Variants in PACRG observed in about 807,000 individuals in gnomAD.
PACRG encodes the protein parkin coregulated, also known as parkin coregulated gene protein.
Under a neutral mutation model 29.7 loss-of-function variants are expected in PACRG, and 29 were observed. The ratio of observed to expected loss-of-function variants is 0.98; its 90% CI spans 0.73 to 1.33. The LOEUF is 1.33. PACRG is among the 40% of genes most tolerant of loss of function. PACRG has a pLI of 0.00. For missense variants in PACRG, 279 were observed against 316.2 expected, an observed-to-expected ratio of 0.88 and a Z score of 0.89; for synonymous variants, 116 against 118.7, an observed-to-expected ratio of 0.98 and a Z score of 0.15.
chr6:163,080,744 A>G (rs908129564), intron 3 of PACRG, among the ~76,000 whole-genome samples: 5 of 152,252 alleles, frequency 3.3e-5, no homozygotes, highest in African/African-American at 4.8e-5. Flanking sequence ...AAAAATTGAA[A>G]AAGAGTCAGC....
chr6:162,826,842 C>T (rs1788329292), intron 2 of PACRG, among the ~76,000 whole-genome samples: 1 of 152,156 alleles, frequency 6.6e-6, no homozygotes, highest in African/African-American at 2.4e-5. Flanking sequence ...ATATTCATAT[C>T]TATTACTATG....
chr6:163,036,857 TATCCATCCATCCATCCATCC>T (rs71008132), intron 2 of PACRG, among the ~76,000 whole-genome samples: 160 of 148,858 alleles, frequency 1.1e-3, no homozygotes, highest in African/African-American at 3.0e-3. Context: ...TCCATCCAGC[TATCCATCCATCCATCCATCC>T]ATCCATCCAT....
intron 4 of PACRG, among the ~76,000 whole-genome samples, chr6:163,285,808 T>C (rs2128185241): frequency 6.6e-6 from 1 of 152,290 alleles, no homozygotes; most frequent in Middle Eastern, 3.4e-3. Flanking sequence ...GATGACAGCA[T>C]CTAGCAAAGA....
intron 1 of PACRG, among the ~76,000 whole-genome samples, chr6:162,803,923 A>G (rs1362968763): frequency 6.6e-6 from 1 of 152,228 alleles, no homozygotes; most frequent in Non-Finnish European, 1.5e-5. Context: ...TGGAATATTT[A>G]TACAATGTAA....
intron 2 of PACRG, among the ~76,000 whole-genome samples, chr6:163,014,691 A>G (rs1185270089): frequency 2.0e-5 from 3 of 151,810 alleles, no homozygotes; most frequent in Non-Finnish European, 4.4e-5. Context: ...ACCCATTTTA[A>G]TGGGTTTACT....
chr6:162,980,189 C>A (rs536273831), intron 2 of PACRG, among the ~76,000 whole-genome samples: 1 of 151,582 alleles, frequency 6.6e-6, no homozygotes, highest in Non-Finnish European at 1.5e-5. Context: ...CACACACACA[C>A]GCACACACAC....
At chr6:162,837,256 T>C (rs1326478458) in intron 2 of PACRG, among the ~76,000 whole-genome samples, 3 of 152,098 alleles carry the variant, frequency 2.0e-5, no homozygotes, top group Non-Finnish European at 2.9e-5. Flanking sequence ...CTATTGTGAA[T>C]CAAGTATTTT....
intron 4 of PACRG, among the ~76,000 whole-genome samples, chr6:163,144,347 T>C (rs1205661): frequency 0.082 from 7,710 of 93,798 alleles, 399 homozygotes; most frequent in African/African-American, 0.16. Flanking sequence ...CACACATACA[T>C]ACACACACAC....
At chr6:163,141,257 C>T (rs1817139750) in intron 4 of PACRG, among the ~76,000 whole-genome samples, 1 of 151,938 alleles carries the variant, frequency 6.6e-6, no homozygotes, top group Non-Finnish European at 1.5e-5. Context: ...AGACAATTTC[C>T]GACATACAAA....
intron 1 of PACRG, among the ~76,000 whole-genome samples, chr6:162,733,019 C>T (rs981415056): frequency 2.0e-5 from 3 of 152,174 alleles, no homozygotes; most frequent in South Asian, 2.1e-4. Context: ...TCCCTTTGCT[C>T]GAACACCCTT....
chr6:162,871,584 C>T (rs1254149240), intron 2 of PACRG, among the ~76,000 whole-genome samples: 2 of 152,118 alleles, frequency 1.3e-5, no homozygotes, highest in Non-Finnish European at 2.9e-5. Context: ...TACCAGCAAT[C>T]ATTTCATTAA....
chr6:163,140,411 C>A (rs867426370), intron 4 of PACRG, among the ~76,000 whole-genome samples: 8 of 152,040 alleles, frequency 5.3e-5, no homozygotes, highest in African/African-American at 1.9e-4. Flanking sequence ...AGGCCTGCTG[C>A]TCAGAGGCAG....
intron 4 of PACRG, among the ~76,000 whole-genome samples, chr6:163,221,903 C>G (rs779196644): frequency 2.0e-5 from 3 of 152,090 alleles, no homozygotes; most frequent in Non-Finnish European, 2.9e-5. Flanking sequence ...CTGTTAAGGG[C>G]TAGAAGAATA....
chr6:162,874,134 G>A, intron 2 of PACRG, among the ~76,000 whole-genome samples: 1 of 59,678 alleles, frequency 1.7e-5, no homozygotes, highest in African/African-American at 5.6e-5. Context: ...AAAACATGAG[G>A]GAGTTAAAAA....
At chr6:163,091,632 T>C (rs986608483) in intron 4 of PACRG, among the ~76,000 whole-genome samples, 2 of 152,220 alleles carry the variant, frequency 1.3e-5, no homozygotes, top group Admixed American at 6.5e-5. Flanking sequence ...CAGTTTGCTG[T>C]ATTTTCAGAG....
At chr6:163,031,486 T>C (rs1294535838) in intron 2 of PACRG, among the ~76,000 whole-genome samples, 2 of 152,238 alleles carry the variant, frequency 1.3e-5, no homozygotes, top group Non-Finnish European at 2.9e-5. Context: ...AAACAACTGA[T>C]GAGACTAGAA....
At chr6:163,219,733 C>T (rs1225327658) in intron 4 of PACRG, among the ~76,000 whole-genome samples, 2 of 152,006 alleles carry the variant, frequency 1.3e-5, no homozygotes, top group Non-Finnish European at 2.9e-5. Context: ...CCTTTCCCAC[C>T]TGCCTCCTCC....
chr6:163,051,017 G>A (rs1008908590), intron 2 of PACRG, among the ~76,000 whole-genome samples: 5 of 152,082 alleles, frequency 3.3e-5, no homozygotes, highest in African/African-American at 7.2e-5. Context: ...GACTCCCTGC[G>A]ATCTTTTCCA....
At chr6:162,937,963 T>C (rs762558286) in intron 2 of PACRG, among the ~76,000 whole-genome samples, 1 of 152,140 alleles carries the variant, frequency 6.6e-6, no homozygotes, top group Admixed American at 6.5e-5. Context: ...GTAAGTTCTT[T>C]AGTGGTGATT....
Sources: allele counts gnomAD v4.1 joint callset (sites outside exome capture counted in the v4.1 genomes callset), GRCh38; gene constraint gnomAD v4.1.1; transcripts MANE v1.5; gene names NCBI Gene and HGNC (gene_info 2026-07-23, HGNC 2026-07-21).